PLCB1: variants seen among roughly 807,000 people sequenced by gnomAD.
The protein encoded by PLCB1 is 1-phosphatidylinositol 4,5-bisphosphate phosphodiesterase beta-1.
Under a neutral mutation model 161.8 loss-of-function variants are expected in PLCB1, and 46 were observed. That is an observed-to-expected ratio of 0.28 (90% CI 0.22 to 0.36). The LOEUF is 0.36. Among genes scored for constraint, PLCB1 ranks in the 10% least tolerant of loss-of-function variants. PLCB1 has a pLI of 1.00. For missense variants in PLCB1, 1,016 were observed against 1,472.5 expected, an observed-to-expected ratio of 0.69 and a Z score of 5.07; for synonymous variants, 517 against 503.7, an observed-to-expected ratio of 1.03 and a Z score of -0.35.
intron 2 of PLCB1, among the ~76,000 whole-genome samples, chr20:8,340,451 C>A (rs1437578452): frequency 6.6e-6 from 1 of 152,120 alleles, no homozygotes; most frequent in Non-Finnish European, 1.5e-5. Flanking sequence ...GAGACGGAGT[C>A]TCGCTCTGTC....
chr20:8,692,017 C>T (rs1485017173), intron 10 of PLCB1, among the ~76,000 whole-genome samples: 2 of 152,174 alleles, frequency 1.3e-5, no homozygotes, highest in African/African-American at 4.8e-5. Flanking sequence ...CCTTCCCATA[C>T]TCCCAACTAT....
intron 3 of PLCB1, among the ~76,000 whole-genome samples, chr20:8,564,008 A>G (rs1986239464): frequency 6.6e-6 from 1 of 152,284 alleles, no homozygotes; most frequent in East Asian, 1.9e-4. Flanking sequence ...TAAATTTCAT[A>G]TGGAACCAAA....
intron 11 of PLCB1, among the ~76,000 whole-genome samples, chr20:8,704,653 A>G (rs1212822107): frequency 6.6e-6 from 1 of 152,160 alleles, no homozygotes; most frequent in East Asian, 1.9e-4. Flanking sequence ...ATTAAGCTTT[A>G]TTGGGACACA....
In PLCB1 at chr20:8,352,602, A is replaced by C. The variant is rs576327515; in HGVS notation, c.178-18780A>C. On this transcript the variant is annotated intron_variant, in intron 2 of 31. Transcript: ENST00000338037. Reference sequence around the variant, plus strand: ...AAGCAGATTGTGACAAATAATATCTATATTATAAATATAGACAACAACCTT... The same window carrying C: ...AAGCAGATTGTGACAAATAATATCTCTATTATAAATATAGACAACAACCTT... Among the ~76,000 whole-genome samples, 6 of 152,264 alleles carry C rather than the reference A, an allele frequency of 3.9e-5. No homozygotes were observed. The South Asian group carries it at 1.2e-3, about 32-fold the overall frequency.
intron 3 of PLCB1, among the ~76,000 whole-genome samples, chr20:8,594,588 G>A (rs940345756): frequency 1.3e-4 from 20 of 151,966 alleles, no homozygotes; most frequent in Non-Finnish European, 2.9e-4. Context: ...TAAGTTTTCT[G>A]AGAGCAAAGT....
At chr20:8,398,461 G>A (rs1303498485) in intron 3 of PLCB1, among the ~76,000 whole-genome samples, 1 of 152,120 alleles carries the variant, frequency 6.6e-6, no homozygotes, top group Non-Finnish European at 1.5e-5. Context: ...TGGAGGCTGG[G>A]TAGTCCAAGG....
At chr20:8,701,548 C>G (rs1372649501) in intron 11 of PLCB1, among the ~76,000 whole-genome samples, 3 of 152,164 alleles carry the variant, frequency 2.0e-5, no homozygotes, top group Admixed American at 1.3e-4. Flanking sequence ...ATGTATTTTC[C>G]TAAGGCACTT....
intron 2 of PLCB1, among the ~76,000 whole-genome samples, chr20:8,168,130 T>G (rs1388642175): frequency 1.3e-5 from 2 of 152,234 alleles, no homozygotes; most frequent in East Asian, 3.9e-4. Flanking sequence ...ATTGCCATAC[T>G]GGCACTTCTG....
intron 2 of PLCB1, among the ~76,000 whole-genome samples, chr20:8,187,857 G>T (rs2051922879): frequency 6.6e-6 from 1 of 152,092 alleles, no homozygotes; most frequent in East Asian, 1.9e-4. Context: ...GGTGGTGGTG[G>T]TGGTGGTGTT....
At chr20:8,633,484 C>G (rs1362258825) in intron 4 of PLCB1, among the ~76,000 whole-genome samples, 1 of 151,868 alleles carries the variant, frequency 6.6e-6, no homozygotes, top group African/African-American at 2.4e-5. Flanking sequence ...ATTAAAAAGT[C>G]ATCATACTTT....
intron 1 of PLCB1, among the ~76,000 whole-genome samples, chr20:8,136,542 C>T (rs1393517816): frequency 3.3e-5 from 5 of 151,184 alleles, no homozygotes; most frequent in Non-Finnish European, 5.9e-5. Flanking sequence ...AGGAGAATGG[C>T]GTGAACCTGG....
intron 2 of PLCB1, among the ~76,000 whole-genome samples, chr20:8,300,933 T>TCCTACTACAAGG (rs936088169): frequency 3.9e-5 from 6 of 152,144 alleles, no homozygotes; most frequent in African/African-American, 1.4e-4. Context: ...AAATTGGCCC[T>TCCTACTACAAGG]CCTACTACAA....
At chr20:8,567,071 A>G (rs764276504) in intron 3 of PLCB1, among the ~76,000 whole-genome samples, 28 of 152,120 alleles carry the variant, frequency 1.8e-4, no homozygotes, top group Non-Finnish European at 3.4e-4. Flanking sequence ...ATTTTTCTCA[A>G]TGAGAGCACT....
intron 3 of PLCB1, among the ~76,000 whole-genome samples, chr20:8,461,396 C>CTTAATT: frequency 6.6e-6 from 1 of 152,148 alleles, no homozygotes; most frequent in Non-Finnish European, 1.5e-5. Context: ...TAATTTCTGA[C>CTTAATT]AAGTCACTTA....
chr20:8,492,234 T>C (rs1982976343), intron 3 of PLCB1, among the ~76,000 whole-genome samples: 1 of 152,102 alleles, frequency 6.6e-6, no homozygotes, highest in Non-Finnish European at 1.5e-5. Flanking sequence ...GCTACCCACT[T>C]TCTGTTTACT....
chr20:8,553,906 G>C (rs751812937), intron 3 of PLCB1, among the ~76,000 whole-genome samples: 8 of 151,940 alleles, frequency 5.3e-5, no homozygotes, highest in Non-Finnish European at 1.2e-4. Context: ...GGAGGCTGAG[G>C]CAGAATAATC....
Position 8,605,931 on chromosome 20 carries a change from A to T in PLCB1, c.247-22363A>T, listed in dbSNP as rs370729757. On this transcript the variant is annotated intron_variant, in intron 3 of 31. Transcript: ENST00000338037. The stretch of plus-strand genomic sequence containing the variant: ...CTGTTTCTGAGTTATTTCTTTTAGG[A>T]TAATGGCCTCCAGCTTCATCCATTT... Among the ~76,000 whole-genome samples, 5 of 152,234 alleles carry T rather than the reference A, an allele frequency of 3.3e-5. No homozygotes were observed. The East Asian group carries it at 5.8e-4, about 18-fold the overall frequency.
intron 2 of PLCB1, among the ~76,000 whole-genome samples, chr20:8,261,293 C>A (rs1239240739): frequency 1.3e-5 from 2 of 152,104 alleles, no homozygotes; most frequent in Non-Finnish European, 2.9e-5. Context: ...GAACTTCATA[C>A]ACTTGCCGCG....
intron 5 of PLCB1, among the ~76,000 whole-genome samples, chr20:8,647,367 C>T (rs956880003): frequency 3.3e-5 from 5 of 152,166 alleles, no homozygotes; most frequent in South Asian, 2.1e-4. Flanking sequence ...AGATGTCTCC[C>T]TATGAATAGC....
Sources: allele counts gnomAD v4.1 joint callset (sites outside exome capture counted in the v4.1 genomes callset), GRCh38; gene constraint gnomAD v4.1.1; transcripts MANE v1.5; gene names NCBI Gene and HGNC (gene_info 2026-07-23, HGNC 2026-07-21).